Variants in FCHSD2 observed in about 807,000 individuals in gnomAD.
FCHSD2 encodes the protein FCH and double SH3 domains 2, also known as F-BAR and double SH3 domains protein 2.
FCHSD2 carries 38 observed loss-of-function variants against 108.1 expected under a neutral mutation model. The observed-to-expected ratio is 0.35, with a 90% confidence interval of 0.27 to 0.46. The LOEUF is 0.46. Among genes scored for constraint, FCHSD2 ranks in the 20% least tolerant of loss-of-function variants. FCHSD2 has a pLI of 1.00. For missense variants in FCHSD2, 751 were observed against 897.8 expected, an observed-to-expected ratio of 0.84 and a Z score of 2.09; for synonymous variants, 279 against 314.7, an observed-to-expected ratio of 0.89 and a Z score of 1.20.
At chr11:72,912,678 G>C (rs1451527029) in intron 9 of FCHSD2, among the ~76,000 whole-genome samples, 1 of 152,068 alleles carries the variant, frequency 6.6e-6, no homozygotes, top group East Asian at 1.9e-4. Flanking sequence ...CTATTTTTTG[G>C]AATTGGTTGA....
intron 4 of FCHSD2, among the ~76,000 whole-genome samples, chr11:73,013,556 T>C (rs1257948874): frequency 1.3e-5 from 2 of 152,196 alleles, no homozygotes; most frequent in African/African-American, 2.4e-5. Context: ...AATAAATGTG[T>C]GTTTAAATAG....
chr11:72,928,359 T>C (rs907588506), intron 8 of FCHSD2, among the ~76,000 whole-genome samples: 1 of 152,214 alleles, frequency 6.6e-6, no homozygotes, highest in Admixed American at 6.5e-5. Context: ...TCTCTCTCAT[T>C]AGCACCATCT....
chr11:72,855,985 G>A (rs1359938239), intron 13 of FCHSD2, among the ~76,000 whole-genome samples: 1 of 152,082 alleles, frequency 6.6e-6, no homozygotes, highest in Admixed American at 6.5e-5. Flanking sequence ...TTTCTTGCCC[G>A]CTACACCCAA....
intron 3 of FCHSD2, among the ~76,000 whole-genome samples, chr11:73,082,258 A>G (rs1245300461): frequency 7.3e-6 from 1 of 136,934 alleles, no homozygotes. Flanking sequence ...AATCGCTTGA[A>G]TCTGGGAGGT....
At chr11:73,036,818 TTTTA>T in intron 3 of FCHSD2, among the ~76,000 whole-genome samples, 1 of 152,340 alleles carries the variant, frequency 6.6e-6, no homozygotes, top group South Asian at 2.1e-4. Flanking sequence ...TCCTCAAACT[TTTTA>T]TTGATAAAAT....
intron 8 of FCHSD2, among the ~76,000 whole-genome samples, chr11:72,934,110 GAAAAAA>G (rs375464183): frequency 1.7e-3 from 89 of 50,890 alleles, no homozygotes; most frequent in East Asian, 0.016. Flanking sequence ...CACTGTCTCA[GAAAAAA>G]AAAAAAAAAA....
At chr11:73,082,335 C>CCAAAAAA (rs1466695525) in intron 3 of FCHSD2, among the ~76,000 whole-genome samples, 26 of 34,460 alleles carry the variant, frequency 7.5e-4, no homozygotes, top group African/African-American at 2.8e-3. Context: ...AGACTTGTCC[C>CCAAAAAA]AAAAAAAAAA....
intron 10 of FCHSD2, among the ~76,000 whole-genome samples, chr11:72,899,925 GT>G (rs1472736881): frequency 6.6e-6 from 1 of 151,986 alleles, no homozygotes; most frequent in African/African-American, 2.4e-5. Flanking sequence ...ACAGTAACAT[GT>G]CATTAATTTA....
rs1183610103 is a variant in FCHSD2 at position 73,028,334 on chromosome 11, T to TG, written c.166-12450dup. Reference sequence around the variant, plus strand: ...GACATGGAGTCAAAGGAGATTATTTTGGAGCTTTTACTATTTAATAACTGC... The same window carrying TG: ...GACATGGAGTCAAAGGAGATTATTTTGGGAGCTTTTACTATTTAATAACTGC... On this transcript the variant is annotated intron_variant, in intron 3 of 19. Transcript: ENST00000409418. 7.4e-4 allele frequency among the ~76,000 whole-genome samples: 112 copies of TG among 152,340 alleles called. 1 individual carries two copies. Among genetic ancestry groups the TG allele is most frequent in the Non-Finnish European group, 2.1e-4 (14 of 68,022 alleles).
intron 13 of FCHSD2, among the ~76,000 whole-genome samples, chr11:72,861,250 A>G (rs992014938): frequency 1.3e-5 from 2 of 152,142 alleles, no homozygotes; most frequent in African/African-American, 4.8e-5. Context: ...GGAATATTAT[A>G]AACAACTTTG....
chr11:72,870,753 A>G (rs1453395108), intron 12 of FCHSD2, among the ~76,000 whole-genome samples: 4 of 152,006 alleles, frequency 2.6e-5, no homozygotes, highest in African/African-American at 9.7e-5. Context: ...ACAAAAAATT[A>G]GCTGGGCGTG....
chr11:72,878,295 A>T (rs886229859), intron 12 of FCHSD2, among the ~76,000 whole-genome samples: 4 of 152,222 alleles, frequency 2.6e-5, no homozygotes, highest in Non-Finnish European at 5.9e-5. Context: ...GTCTCTAAAA[A>T]TAAGTAAAAT....
chr11:73,057,959 A>C (rs1859068139), intron 3 of FCHSD2, among the ~76,000 whole-genome samples: 2 of 150,854 alleles, frequency 1.3e-5, no homozygotes, highest in Admixed American at 6.6e-5. Flanking sequence ...GGCTCACTGC[A>C]AGCTCCGCCT....
At chr11:72,898,805 T>C (rs544824453) in intron 10 of FCHSD2, among the ~76,000 whole-genome samples, 40 of 151,924 alleles carry the variant, frequency 2.6e-4, no homozygotes, top group Non-Finnish European at 5.6e-4. Flanking sequence ...TCACGGCTCA[T>C]TGCAACCTCC....
At chr11:72,912,524 C>T (rs978003760) in intron 9 of FCHSD2, among the ~76,000 whole-genome samples, 1 of 152,116 alleles carries the variant, frequency 6.6e-6, no homozygotes, top group Admixed American at 6.5e-5. Context: ...ATTCAGTTTG[C>T]TAGTATTTTG....
chr11:72,990,663 G>A (rs1240267714), intron 5 of FCHSD2, among the ~76,000 whole-genome samples: 2 of 152,132 alleles, frequency 1.3e-5, no homozygotes, highest in Non-Finnish European at 2.9e-5. Context: ...AAACCAATGA[G>A]AACAAAGACA....
intron 10 of FCHSD2, among the ~76,000 whole-genome samples, chr11:72,899,011 T>C (rs775099572): frequency 7.2e-5 from 11 of 152,278 alleles, no homozygotes; most frequent in Non-Finnish European, 1.5e-4. Flanking sequence ...TTCCAAAGTG[T>C]TGGGATTACA....
At chr11:72,884,767 T>C (rs552153744) in intron 12 of FCHSD2, among the ~76,000 whole-genome samples, 1 of 152,048 alleles carries the variant, frequency 6.6e-6, no homozygotes, top group East Asian at 1.9e-4. Context: ...CTAATTTATT[T>C]TCATTTGTAA....
chr11:73,044,202 T>C (rs1440765986), intron 3 of FCHSD2, among the ~76,000 whole-genome samples: 1 of 152,196 alleles, frequency 6.6e-6, no homozygotes, highest in African/African-American at 2.4e-5. Flanking sequence ...ATTTTACTCT[T>C]AAACTGAACT....
Sources: gnomAD v4.1 joint callset for allele counts (sites outside exome capture counted in the v4.1 genomes callset) on GRCh38, gnomAD v4.1.1 for gene constraint, MANE v1.5 for transcripts, NCBI Gene and HGNC (gene_info 2026-07-23, HGNC 2026-07-21) for gene names.